Variants in LAMB1 observed in about 807,000 individuals in gnomAD.
LAMB1 encodes laminin subunit beta-1.
Under a neutral mutation model 222.3 loss-of-function variants are expected in LAMB1, and 121 were observed. That is an observed-to-expected ratio of 0.54 (90% CI 0.47 to 0.63). The LOEUF is 0.63. Ranked by LOEUF, LAMB1 falls within the 30% of genes least tolerant of loss-of-function variation. LAMB1 has a pLI of 0.00. For missense variants in LAMB1, 2,172 were observed against 2,240.8 expected (o/e 0.97, Z 0.62); for synonymous variants, 794 against 807.2 (o/e 0.98, Z 0.28).
At chr7:107,983,605 T>C (rs1272554079) in intron 7 of LAMB1, among the ~76,000 whole-genome samples, 1 of 137,014 alleles carries the variant, frequency 7.3e-6, no homozygotes, top group Non-Finnish European at 1.5e-5. Context: ...CAGACTGGAG[T>C]GCAATGGTGT....
chr7:107,961,175 C>T, intron 17 of LAMB1, 31 bp downstream of exon 17: 1 of 1,613,526 alleles, frequency 6.2e-7, no homozygotes, highest in Non-Finnish European at 8.5e-7. Context: ...CCAGGCTTTC[C>T]TGCATATGCC....
At chr7:107,954,901 A>T (rs994737311) in intron 21 of LAMB1, among the ~76,000 whole-genome samples, 26 of 152,226 alleles carry the variant, frequency 1.7e-4, no homozygotes, top group Non-Finnish European at 2.9e-5. Flanking sequence ...GAAATTCTGA[A>T]ATTATATGCA....
intron 8 of LAMB1, among the ~76,000 whole-genome samples, chr7:107,980,229 A>G (rs2033945705): frequency 6.6e-6 from 1 of 151,638 alleles, no homozygotes; most frequent in South Asian, 2.1e-4. Flanking sequence ...AAAAAAATCC[A>G]TTTCTTTGGG....
rs2033357828 is a variant in LAMB1 at position 107,955,586 on chromosome 7, TCTC to T, written c.2732_2734del (p.Gly911del). On this transcript the variant is annotated inframe_deletion, in exon 21 of 34. Coordinates refer to ENST00000222399, the MANE Select transcript of LAMB1 (RefSeq NM_002291.3). Reference sequence around the variant, plus strand: ...TGGGCAAGGGCAAGGGCGGCAGTGATCTCCTGACCCAATGATGGGGTCGCCATA... The same window carrying T: ...TGGGCAAGGGCAAGGGCGGCAGTGATCTGACCCAATGATGGGGTCGCCATA... The T allele has an allele frequency of 6.2e-7, 1 of 1,613,924 alleles. No individual in the cohort carries two copies. Among genetic ancestry groups the T allele is most frequent in the Non-Finnish European group, 8.5e-7 (1 of 1,179,978 alleles).
chr7:107,980,676 C>T lies in LAMB1; in HGVS notation c.812G>A (p.Cys271Tyr), dbSNP rs2033954815. ...TTCGCTGGCATGACCATAGCAGAAG[C>T]AATTTCCTCGAACCACCATATCATA... ...AVYDMVVRGN[C>Y]FCYGHASECA... The change falls in exon 8 of 34, where the codon TGC becomes TAC. Residue 271 changes from cysteine (C) to tyrosine (Y), a missense_variant. Cys to Tyr is a radical substitution (Grantham distance 194, BLOSUM62 -2). Transcript: ENST00000222399. 1 of 1,614,132 alleles carries T rather than the reference C, an allele frequency of 6.2e-7. No individual in the cohort carries two copies. The highest frequency in any genetic ancestry group is 1.3e-5 in the African/African-American group (1 of 75,062).
intron 13 of LAMB1, among the ~76,000 whole-genome samples, chr7:107,972,241 G>A (rs982160600): frequency 2.0e-5 from 3 of 152,130 alleles, no homozygotes; most frequent in African/African-American, 7.2e-5. Flanking sequence ...CTATGGTGTT[G>A]GGAAATAATT....
rs2033840262 is a variant in LAMB1, at chr7:107,975,713, T to C, written c.1165A>G (p.Ile389Val). 1.2e-6 allele frequency: 2 copies of C among 1,612,570 alleles called. No individual in the cohort carries two copies. The highest frequency in any genetic ancestry group is 1.7e-5 in the Admixed American group (1 of 59,756). Residue 389 changes from isoleucine to valine, a missense_variant, in exon 10 of 34, where the codon ATC (isoleucine) becomes GTC (valine). Physicochemically the swap from Ile to Val is conservative, Grantham distance 29 (BLOSUM62 3). Transcript: ENST00000222399. ...PFYYQHPERD[I>V]RDPNFCERCT... ...CGTTCACAGAAATTAGGATCTCGGATGTCCCTCTCTGGGTGCTGGTAGTAA... is the reference window on the plus strand; with the variant it reads ...CGTTCACAGAAATTAGGATCTCGGACGTCCCTCTCTGGGTGCTGGTAGTAA...
rs200473676 is a variant in LAMB1 at position 108,002,905 on chromosome 7, G to T, written c.-20C>A. 12 of 1,613,458 alleles carry T rather than the reference G, an allele frequency of 7.4e-6. No homozygotes were observed. The East Asian group carries it at 2.0e-4, about 27-fold the overall frequency. On this transcript the variant is annotated 5_prime_UTR_variant, in exon 2 of 34. Coordinates refer to ENST00000222399, the MANE Select transcript of LAMB1 (RefSeq NM_002291.3). The stretch of plus-strand genomic sequence containing the variant: ...CCCCATGCCGGCTCCCTGCAGCCAC[G>T]GGGACGCGGCAGAGGAGTGGAGAAG...
At chr7:107,935,345 T>TTG in intron 27 of LAMB1, 70 bp downstream of exon 27, 1 of 1,441,190 alleles carries the variant, frequency 6.9e-7, no homozygotes, top group South Asian at 1.3e-5. Flanking sequence ...TTGTTTTTCT[T>TTG]TGTTTTTTTT....
At chr7:107,993,368 AAG>A (rs2034222398) in intron 5 of LAMB1, among the ~76,000 whole-genome samples, 1 of 152,136 alleles carries the variant, frequency 6.6e-6, no homozygotes, top group Admixed American at 6.6e-5. Context: ...TCCTGACCTC[AAG>A]TGATCTGCCC....
chr7:107,972,699 C>A (rs1459958279), intron 13 of LAMB1, among the ~76,000 whole-genome samples: 2 of 152,056 alleles, frequency 1.3e-5, no homozygotes, highest in African/African-American at 4.8e-5. Flanking sequence ...ATGATACCAA[C>A]TGTTGCTGGG....
rs1362770934 is a variant in LAMB1, at chr7:107,940,281, C to G, written c.3469G>C (p.Val1157Leu). ...STGQCVCVEGVEGPRCDKCTR... is the reference protein window; with the variant it reads ...STGQCVCVEGLEGPRCDKCTR... Reference sequence around the variant, plus strand: ...CACTTGTCACAGCGTGGACCCTCAACACCCTCAACGCAGACACACTGGCCC... The same window carrying G: ...CACTTGTCACAGCGTGGACCCTCAAGACCCTCAACGCAGACACACTGGCCC... Residue 1157 changes from valine to leucine, a missense_variant, in exon 25 of 34, where the codon GTT becomes CTT. Coordinates refer to ENST00000222399, the MANE Select transcript of LAMB1 (RefSeq NM_002291.3). The G allele has an allele frequency of 6.2e-7, 1 of 1,614,234 alleles. No individual in the cohort carries two copies. Among genetic ancestry groups the G allele is most frequent in the South Asian group, 1.1e-5 (1 of 91,082 alleles).
intron 24 of LAMB1, among the ~76,000 whole-genome samples, chr7:107,947,089 C>T (rs1218441235): frequency 2.0e-5 from 3 of 152,182 alleles, no homozygotes; most frequent in Non-Finnish European, 4.4e-5. Flanking sequence ...CCAGCACGTT[C>T]ATGGTGGGTG....
chr7:107,990,662 C>T (rs986652959), intron 5 of LAMB1, among the ~76,000 whole-genome samples: 43 of 152,240 alleles, frequency 2.8e-4, no homozygotes, highest in African/African-American at 9.6e-4. Flanking sequence ...TTCCACTGTT[C>T]TGCTTCTAAT....
chr7:107,985,925 C>A, intron 7 of LAMB1, 97 bp downstream of exon 7: 3 of 955,596 alleles, frequency 3.1e-6, no homozygotes, highest in South Asian at 1.5e-5. Context: ...CCATTGCACT[C>A]CAGCCTGGGC....
In LAMB1 at chr7:107,926,248, C is replaced by G. The variant is rs143093758; in HGVS notation, c.4999G>C (p.Gly1667Arg). The G allele has an allele frequency of 1.2e-6, 2 of 1,613,962 alleles. No homozygotes were observed. Among genetic ancestry groups the G allele is most frequent in the East Asian group, 2.2e-5 (1 of 44,876 alleles). ...ELKRKAAQNS[G>R]EAEYIEKVVY... ...ACTTTTTCAATATATTCTGCCTCCC[C>G]GGAGTTTTGGGCAGCTTTCCGCTTA... Residue 1667 changes from glycine (G) to arginine (R), a missense_variant, in exon 32 of 34, where the codon GGG (glycine) becomes CGG (arginine). By Grantham distance (125) the Gly-to-Arg change is moderately radical (BLOSUM62 -2). Coordinates refer to ENST00000222399, the MANE Select transcript of LAMB1 (RefSeq NM_002291.3).
intron 3 of LAMB1, among the ~76,000 whole-genome samples, chr7:108,001,192 G>C (rs744197): frequency 1.3e-5 from 2 of 152,186 alleles, no homozygotes; most frequent in Non-Finnish European, 1.5e-5. Context: ...TGCGGTAGAG[G>C]GGGGTGGGGA....
At chr7:107,925,064 C>A (rs769774203) in intron 32 of LAMB1, among the ~76,000 whole-genome samples, 1 of 152,124 alleles carries the variant, frequency 6.6e-6, no homozygotes, top group Non-Finnish European at 1.5e-5. Flanking sequence ...GGAAACCACA[C>A]AAACCAAAAC....
At chr7:107,932,657 CTGCTATATCAAGT>C (rs2032742409) in intron 27 of LAMB1, 2 of 459,652 alleles carry the variant, frequency 4.4e-6, no homozygotes, top group Non-Finnish European at 7.9e-6. Flanking sequence ...ATGCAAACAT[CTGCTATATCAAGT>C]TGAATTCTGC....
Sources: allele counts gnomAD v4.1 joint callset (sites outside exome capture counted in the v4.1 genomes callset), GRCh38; gene constraint gnomAD v4.1.1; transcripts MANE v1.5; gene names NCBI Gene and HGNC (gene_info 2026-07-23, HGNC 2026-07-21).